KCNMB2: variants seen among roughly 807,000 people sequenced by gnomAD.
The protein encoded by KCNMB2 is potassium calcium-activated channel subfamily M regulatory beta subunit 2, also known as calcium-activated potassium channel subunit beta-2.
Under a neutral mutation model 24.5 loss-of-function variants are expected in KCNMB2, and 9 were observed. The ratio of observed to expected loss-of-function variants is 0.37; its 90% CI spans 0.22 to 0.64. KCNMB2 has a LOEUF of 0.64. Ranked by LOEUF, KCNMB2 falls within the 30% of genes least tolerant of loss-of-function variation. The probability of loss-of-function intolerance (pLI) is 0.63; values close to 1 mark genes in which losing one functional copy is unlikely to be tolerated. For missense variants in KCNMB2, 226 were observed against 284.3 expected (o/e 0.79, Z 1.47); for synonymous variants, 109 against 104.4 (o/e 1.04, Z -0.27).
At chr3:178,731,800 G>A (rs1440213771) in intron 1 of KCNMB2, among the ~76,000 whole-genome samples, 1 of 152,214 alleles carries the variant, frequency 6.6e-6, no homozygotes, top group African/African-American at 2.4e-5. Flanking sequence ...CTACTCGGGA[G>A]GCTAAGGCAG....
rs530791205 is a variant in KCNMB2 at position 178,810,820 on chromosome 3, C to T, written c.56+3355C>T. Among the ~76,000 whole-genome samples, 789 of 152,024 alleles carry T rather than the reference C, an allele frequency of 5.2e-3. 8 individuals are homozygous for T. Among genetic ancestry groups the T allele is most frequent in the African/African-American group, 0.018 (762 of 41,474 alleles). On this transcript the variant is annotated intron_variant, in intron 2 of 4. Coordinates refer to ENST00000452583, the MANE Select transcript of KCNMB2 (RefSeq NM_181361.3). ...TGCGATCTTGGCTCACTGCAACCTCCGCCTCCCGGGTTCACACCATTCTCC... is the reference window on the plus strand; with the variant it reads ...TGCGATCTTGGCTCACTGCAACCTCTGCCTCCCGGGTTCACACCATTCTCC...
Position 178,828,338 on chromosome 3 carries a change from T to C in KCNMB2, c.388T>C (p.Tyr130His). 6.2e-7 allele frequency: 1 copy of C among 1,613,894 alleles called. No homozygotes were observed. The change falls in exon 4 of 5, where the codon TAC (tyrosine) becomes CAC (histidine). Residue 130 changes from tyrosine to histidine, a missense_variant. Physicochemically the swap from Tyr to His is moderately conservative, Grantham distance 83 (BLOSUM62 2). Coordinates refer to ENST00000452583, the MANE Select transcript of KCNMB2 (RefSeq NM_181361.3). Reference sequence around the variant, plus strand: ...TTCTTCCGGGGAAAAGCTCCTCCTCTACCACACAGAAGAGACAATAAAAAT... The same window carrying C: ...TTCTTCCGGGGAAAAGCTCCTCCTCCACCACACAGAAGAGACAATAAAAAT... Reference protein sequence around the residue: ...LTSSGEKLLLYHTEETIKINQ... With the variant: ...LTSSGEKLLLHHTEETIKINQ...
At chr3:178,551,478 C>T (rs1715951237) in intron 1 of KCNMB2, among the ~76,000 whole-genome samples, 1 of 152,212 alleles carries the variant, frequency 6.6e-6, no homozygotes, top group South Asian at 2.1e-4. Flanking sequence ...ATGAACCCAT[C>T]ACTTCGGCCT....
chr3:178,747,855 C>T (rs1473812459), intron 1 of KCNMB2, among the ~76,000 whole-genome samples: 1 of 152,226 alleles, frequency 6.6e-6, no homozygotes, highest in Non-Finnish European at 1.5e-5. Flanking sequence ...TTAGCTAGTT[C>T]ACCTTATGAC....
At chr3:178,576,516 G>A (rs537646373) in intron 1 of KCNMB2, among the ~76,000 whole-genome samples, 1 of 152,240 alleles carries the variant, frequency 6.6e-6, no homozygotes, top group Non-Finnish European at 1.5e-5. Flanking sequence ...CTGGAAAGGG[G>A]GCTGAAGCCA....
At chr3:178,839,535 G>A (rs1375882567) in intron 4 of KCNMB2, among the ~76,000 whole-genome samples, 1 of 152,120 alleles carries the variant, frequency 6.6e-6, no homozygotes, top group Non-Finnish European at 1.5e-5. Flanking sequence ...AAGAACAACT[G>A]AGACTGGGTA....
At chr3:178,808,099 G>T (rs1714047665) in intron 2 of KCNMB2, among the ~76,000 whole-genome samples, 1 of 152,002 alleles carries the variant, frequency 6.6e-6, no homozygotes, top group African/African-American at 2.4e-5. Flanking sequence ...TGGAAGAATA[G>T]CCTGGGAGGA....
intron 1 of KCNMB2, among the ~76,000 whole-genome samples, chr3:178,701,570 AG>A (rs1722096925): frequency 6.6e-6 from 1 of 152,042 alleles, no homozygotes; most frequent in Non-Finnish European, 1.5e-5. Flanking sequence ...CAAATTTACA[AG>A]AAAAAAACAA....
At chr3:178,667,145 G>A (rs544747778) in intron 1 of KCNMB2, among the ~76,000 whole-genome samples, 15 of 151,898 alleles carry the variant, frequency 9.9e-5, no homozygotes, top group East Asian at 5.8e-4. Context: ...TTAGAGTCAC[G>A]AAAGAAGTAA....
intron 1 of KCNMB2, among the ~76,000 whole-genome samples, chr3:178,693,611 G>A (rs1030625030): frequency 6.6e-6 from 1 of 152,122 alleles, no homozygotes. Flanking sequence ...ACTTGATCAT[G>A]GTGAACAAGT....
At chr3:178,650,796 C>T (rs1720086674) in intron 1 of KCNMB2, among the ~76,000 whole-genome samples, 1 of 152,138 alleles carries the variant, frequency 6.6e-6, no homozygotes, top group African/African-American at 2.4e-5. Context: ...TAAACAGAAC[C>T]AATGGCAAAA....
intron 2 of KCNMB2, among the ~76,000 whole-genome samples, chr3:178,810,017 CT>C (rs71300413): frequency 6.6e-6 from 1 of 150,824 alleles, no homozygotes; most frequent in Non-Finnish European, 1.5e-5. Context: ...TTTGTCTGTG[CT>C]TTTTTTTTGA....
intron 1 of KCNMB2, among the ~76,000 whole-genome samples, chr3:178,804,572 C>T (rs1043478863): frequency 1.3e-5 from 2 of 152,108 alleles, no homozygotes; most frequent in Non-Finnish European, 2.9e-5. Context: ...ATTTAATCTC[C>T]CTCTTTCTAT....
chr3:178,699,040 C>T (rs1307581974), intron 1 of KCNMB2, among the ~76,000 whole-genome samples: 1 of 152,202 alleles, frequency 6.6e-6, no homozygotes. Context: ...CGCAGGGCTG[C>T]CTGCCATCCT....
At chr3:178,715,269 A>G (rs1303082749) in intron 1 of KCNMB2, among the ~76,000 whole-genome samples, 3 of 151,874 alleles carry the variant, frequency 2.0e-5, no homozygotes, top group Non-Finnish European at 4.4e-5. Flanking sequence ...AGAAAATTTA[A>G]CTCCTAAACA....
At chr3:178,702,953 G>C (rs1371805244) in intron 1 of KCNMB2, among the ~76,000 whole-genome samples, 1 of 152,138 alleles carries the variant, frequency 6.6e-6, no homozygotes, top group Non-Finnish European at 1.5e-5. Context: ...TTGTTGGTAG[G>C]GATGTATTTT....
At chr3:178,713,996 A>G (rs1722537398) in intron 1 of KCNMB2, among the ~76,000 whole-genome samples, 1 of 152,144 alleles carries the variant, frequency 6.6e-6, no homozygotes, top group Non-Finnish European at 1.5e-5. Flanking sequence ...AAATATTATC[A>G]TTATCTTCTT....
intron 1 of KCNMB2, among the ~76,000 whole-genome samples, chr3:178,761,391 C>A (rs1033362478): frequency 6.6e-6 from 1 of 152,206 alleles, no homozygotes; most frequent in East Asian, 1.9e-4. Context: ...TTCTTCTATG[C>A]AACATCATTT....
At chr3:178,630,364 A>G (rs1719274173) in intron 1 of KCNMB2, among the ~76,000 whole-genome samples, 1 of 152,246 alleles carries the variant, frequency 6.6e-6, no homozygotes, top group African/African-American at 2.4e-5. Flanking sequence ...GTGTTCCAGC[A>G]TCTCCTCCCA....
Sources: allele counts gnomAD v4.1 joint callset (sites outside exome capture counted in the v4.1 genomes callset), GRCh38; gene constraint gnomAD v4.1.1; transcripts MANE v1.5; gene names NCBI Gene and HGNC (gene_info 2026-07-23, HGNC 2026-07-21).